The following ARID2 variants were observed in gnomAD, a reference collection of about 807,000 sequenced individuals.
The protein encoded by ARID2 is AT-rich interaction domain 2.
Under a neutral mutation model 184.6 loss-of-function variants are expected in ARID2, and 32 were observed. The ratio of observed to expected loss-of-function variants is 0.17; its 90% CI spans 0.13 to 0.23. The LOEUF (loss-of-function observed/expected upper bound fraction) is 0.23, where lower values mean the gene tolerates loss of function less well. Ranked by LOEUF, ARID2 falls within the 10% of genes least tolerant of loss-of-function variation. ARID2 has a pLI of 1.00. For missense variants in ARID2, 1,696 were observed against 2,197.6 expected (o/e 0.77, Z 4.56); for synonymous variants, 836 against 772.6 (o/e 1.08, Z -1.36).
At chr12:45,736,312 G>C (rs967113415) in intron 3 of ARID2, among the ~76,000 whole-genome samples, 1 of 151,316 alleles carries the variant, frequency 6.6e-6, no homozygotes, top group East Asian at 1.9e-4. Context: ...AGCCGAGATC[G>C]TGCCACTGCA....
chr12:45,810,722 G>T (rs1942691536), intron 3 of ARID2, among the ~76,000 whole-genome samples: 2 of 152,144 alleles, frequency 1.3e-5, no homozygotes, highest in Admixed American at 1.3e-4. Flanking sequence ...TTGCTGATAA[G>T]TGAATTTGTA....
chr12:45,799,090 A>G (rs1181976089), intron 3 of ARID2, among the ~76,000 whole-genome samples: 2 of 152,066 alleles, frequency 1.3e-5, no homozygotes, highest in Non-Finnish European at 2.9e-5. Context: ...AAGCTTTTAT[A>G]ATTTTTTAAA....
intron 3 of ARID2, among the ~76,000 whole-genome samples, chr12:45,785,419 G>T (rs931205546): frequency 1.3e-5 from 2 of 152,042 alleles, no homozygotes; most frequent in East Asian, 3.9e-4. Flanking sequence ...TCCATAAGAC[G>T]CACAGAAATC....
rs1379219963 is a variant in ARID2 at position 45,907,951 on chromosome 12, C to T, written c.*2873C>T. On this transcript the variant is annotated 3_prime_UTR_variant, in exon 21 of 21. Coordinates refer to ENST00000334344, the MANE Select transcript of ARID2 (RefSeq NM_152641.4). ...TAATGAGACTCAGTAATCCAACCCA[C>T]ACCTGAGAACTCGTCTCATTACTTT... is the stretch of plus-strand genomic sequence containing the variant. The T allele has an allele frequency of 4.3e-6, 1 of 231,320 alleles. No individual in the cohort carries two copies. 14.3% of individuals were successfully genotyped at this position (231,320 alleles called of 1,614,324 possible).
chr12:45,879,927 T>A (rs1033027421), intron 16 of ARID2, among the ~76,000 whole-genome samples: 1 of 152,246 alleles, frequency 6.6e-6, no homozygotes, highest in South Asian at 2.1e-4. Context: ...AAGGACTTGA[T>A]GCCTTTGAAT....
chr12:45,824,862 T>C (rs1430902065), intron 6 of ARID2, among the ~76,000 whole-genome samples: 1 of 147,908 alleles, frequency 6.8e-6, no homozygotes, highest in Non-Finnish European at 1.5e-5. Flanking sequence ...AAGTTATATA[T>C]ATACATATAT....
chr12:45,773,743 T>A (rs1941923082), intron 3 of ARID2, among the ~76,000 whole-genome samples: 1 of 152,142 alleles, frequency 6.6e-6, no homozygotes. Flanking sequence ...TTAATTATTA[T>A]TTTTTTAAGA....
At chr12:45,764,303 CTA>C (rs774538199) in intron 3 of ARID2, among the ~76,000 whole-genome samples, 2 of 152,108 alleles carry the variant, frequency 1.3e-5, no homozygotes, top group South Asian at 4.1e-4. Flanking sequence ...ATTGCTAACT[CTA>C]TGTTGTTGGA....
At chr12:45,731,380 C>A in intron 3 of ARID2, 66 bp downstream of exon 3, 2 of 1,206,314 alleles carry the variant, frequency 1.7e-6, no homozygotes, top group Non-Finnish European at 2.4e-6. Context: ...TTGTTTTTAG[C>A]AAAAACAAAA....
intron 3 of ARID2, among the ~76,000 whole-genome samples, chr12:45,737,829 T>A (rs925323817): frequency 1.3e-5 from 2 of 152,050 alleles, no homozygotes; most frequent in African/African-American, 2.4e-5. Context: ...CCAGGTGACA[T>A]CTGGTCTAGG....
chr12:45,836,093 A>G (rs1452532573), intron 6 of ARID2, among the ~76,000 whole-genome samples: 2 of 152,344 alleles, frequency 1.3e-5, no homozygotes, highest in South Asian at 2.1e-4. Flanking sequence ...ATCTGAAACT[A>G]TAGACAATCA....
At position 45,731,731 on chromosome 12, in the gene ARID2, A is replaced by AT. The variant is rs969947198; in HGVS notation, c.284+429dup. On this transcript the variant is annotated intron_variant, in intron 3 of 20. Transcript: ENST00000334344. ...AGTTTTAAAAATTCTGGCTTTAAGA[A>AT]TTTTTTTTTTTTAATGAAACTTCTT... 6.3e-3 allele frequency among the ~76,000 whole-genome samples: 927 copies of AT among 146,836 alleles called. 8 individuals carry two copies. Among genetic ancestry groups the AT allele is most frequent in the African/African-American group, 0.021 (833 of 40,262 alleles).
rs530625757 is a variant in ARID2 at position 45,875,085 on chromosome 12, A to G, written c.4922+14136A>G. ...TTGCAGTGAGCGGAGATGTACCACT[A>G]CACTCCATCCTCAGCAACAGAGTGA... On this transcript the variant is annotated intron_variant, in intron 16 of 20. Transcript: ENST00000334344. Among the ~76,000 whole-genome samples the G allele has an allele frequency of 2.3e-3, 354 of 152,272 alleles. 2 individuals are homozygous for G. Among genetic ancestry groups the G allele is most frequent in the African/African-American group, 8.3e-3 (345 of 41,558 alleles).
intron 3 of ARID2, among the ~76,000 whole-genome samples, chr12:45,763,918 G>A (rs932708816): frequency 1.3e-5 from 2 of 152,074 alleles, no homozygotes; most frequent in Admixed American, 1.3e-4. Flanking sequence ...AATTTTTAGA[G>A]TATTTAATAT....
At chr12:45,824,130 A>G (rs1942950660) in intron 6 of ARID2, among the ~76,000 whole-genome samples, 2 of 152,196 alleles carry the variant, frequency 1.3e-5, no homozygotes, top group Admixed American at 6.6e-5. Context: ...ATGCAAATCA[A>G]TAAATGTGAT....
rs140341450 is a variant in ARID2 at position 45,819,510 on chromosome 12, T to C, written c.637+1622T>C. ...TTTGAAGGTTGTAGACATATTTTAT[T>C]TGGTTAGACTTTGAGAGGCTTCAAT... On this transcript the variant is annotated intron_variant, in intron 5 of 20. Coordinates refer to ENST00000334344, the MANE Select transcript of ARID2 (RefSeq NM_152641.4). Among the ~76,000 whole-genome samples the C allele has an allele frequency of 8.0e-3, 1,223 of 152,288 alleles. 19 individuals are homozygous for C. Among genetic ancestry groups the C allele is most frequent in the South Asian group, 0.067 (325 of 4,830 alleles).
At chr12:45,823,414 A>T (rs1942935667) in intron 6 of ARID2, among the ~76,000 whole-genome samples, 1 of 152,112 alleles carries the variant, frequency 6.6e-6, no homozygotes, top group Non-Finnish European at 1.5e-5. Flanking sequence ...AAACCAAACC[A>T]AACCCAAAAT....
chr12:45,893,399 C>G (rs1307493643), intron 18 of ARID2, 21 bp from the exon 19 acceptor site: 3 of 1,600,776 alleles, frequency 1.9e-6, no homozygotes, highest in African/African-American at 2.7e-5. Context: ...CTCTCTCTCT[C>G]TCTCTCTCTG....
rs149198670 is a variant in ARID2, at chr12:45,764,682, C to T, written c.284+33368C>T. Among the ~76,000 whole-genome samples the T allele has an allele frequency of 5.5e-3, 833 of 152,308 alleles. 7 individuals carry two copies. The highest frequency in any genetic ancestry group is 0.019 in the African/African-American group (794 of 41,556). ...CATCTGAGATTTATACATAGTGCCTCTATCAGAATTCATTCTTTTGTGTTG... is the reference window on the plus strand; with the variant it reads ...CATCTGAGATTTATACATAGTGCCTTTATCAGAATTCATTCTTTTGTGTTG... On this transcript the variant is annotated intron_variant, in intron 3 of 20. Coordinates refer to ENST00000334344, the MANE Select transcript of ARID2 (RefSeq NM_152641.4).
Sources: allele counts gnomAD v4.1 joint callset (sites outside exome capture counted in the v4.1 genomes callset), GRCh38; gene constraint gnomAD v4.1.1; transcripts MANE v1.5; gene names NCBI Gene and HGNC (gene_info 2026-07-23, HGNC 2026-07-21).